NFIB: variants seen among roughly 807,000 people sequenced by gnomAD.
NFIB encodes the protein nuclear factor I B, also known as nuclear factor 1 B-type.
A neutral mutation model predicts 61.5 loss-of-function variants in NFIB; 11 were observed. That is an observed-to-expected ratio of 0.18 (90% confidence interval 0.11 to 0.30). NFIB has a LOEUF of 0.30. Ranked by LOEUF, NFIB falls within the 10% of genes least tolerant of loss-of-function variation. NFIB has a pLI of 1.00. For synonymous variants in NFIB, 260 were observed against 216.5 expected (o/e 1.20, Z -1.76); for missense variants, 471 against 608.9 (o/e 0.77, Z 2.38).
intron 2 of NFIB, among the ~76,000 whole-genome samples, chr9:14,207,991 T>C (rs549530886): frequency 6.6e-6 from 1 of 152,152 alleles, no homozygotes; most frequent in Admixed American, 6.5e-5. Flanking sequence ...CACCATCAGA[T>C]TCACAAGGCC....
chr9:14,195,464 G>T (rs1420479262), intron 2 of NFIB, among the ~76,000 whole-genome samples: 1 of 152,214 alleles, frequency 6.6e-6, no homozygotes. Flanking sequence ...ACGAAACAGA[G>T]AAATAATCTC....
At chr9:14,309,811 T>C (rs972820826) in intron 1 of NFIB, among the ~76,000 whole-genome samples, 1 of 152,218 alleles carries the variant, frequency 6.6e-6, no homozygotes, top group Non-Finnish European at 1.5e-5. Context: ...AATCTTTTAC[T>C]ACGATTTATT....
At chr9:14,494,960 T>C in the NFIB span, among the ~76,000 whole-genome samples, 1 of 152,346 alleles carries the variant, frequency 6.6e-6, no homozygotes, top group African/African-American at 2.4e-5. Flanking sequence ...TTTCAAATTC[T>C]GGCTGTGGCT....
At chr9:14,134,607 G>A (rs1322899092) in intron 6 of NFIB, among the ~76,000 whole-genome samples, 1 of 152,044 alleles carries the variant, frequency 6.6e-6, no homozygotes, top group East Asian at 1.9e-4. Context: ...TTACAAAGTG[G>A]AAGGCTGGAT....
At chr9:14,188,254 T>A (rs1487843903) in intron 2 of NFIB, among the ~76,000 whole-genome samples, 1 of 152,228 alleles carries the variant, frequency 6.6e-6, no homozygotes, top group Admixed American at 6.5e-5. Flanking sequence ...ACTGACTCAA[T>A]CCTTGCTTAG....
At chr9:14,215,232 T>C (rs1037374921) in intron 2 of NFIB, among the ~76,000 whole-genome samples, 1 of 150,750 alleles carries the variant, frequency 6.6e-6, no homozygotes, top group Non-Finnish European at 1.5e-5. Context: ...TCTCATAGAC[T>C]GTCCAGCATA....
At chr9:14,332,130 A>C (rs765550258) in intron 1 of NFIB, among the ~76,000 whole-genome samples, 13 of 151,946 alleles carry the variant, frequency 8.6e-5, no homozygotes, top group Non-Finnish European at 1.5e-4. Context: ...GTCAGGAGTT[A>C]GAGACCAGCC....
At chr9:14,198,892 C>T (rs2048728930) in intron 2 of NFIB, among the ~76,000 whole-genome samples, 2 of 152,202 alleles carry the variant, frequency 1.3e-5, no homozygotes, top group Non-Finnish European at 2.9e-5. Flanking sequence ...CTCTCCCTGC[C>T]ATGTGATGCA....
At chr9:14,492,661 G>A in the NFIB span, among the ~76,000 whole-genome samples, 1 of 152,094 alleles carries the variant, frequency 6.6e-6, no homozygotes, top group East Asian at 1.9e-4. Context: ...AAGGGATGGT[G>A]TTAACCCATT....
In NFIB at chr9:14,198,543, C is replaced by A. The variant is rs188209382; in HGVS notation, c.563-18763G>T. On this transcript the variant is annotated intron_variant, in intron 2 of 10. Coordinates refer to ENST00000380953, the MANE Select transcript of NFIB (RefSeq NM_001190737.2). ...TGCCGTATCATGACAATAAATGCTA[C>A]TTGCCTTATTGTCATTTCACAATCA... is the stretch of plus-strand genomic sequence containing the variant. Among the ~76,000 whole-genome samples the A allele has an allele frequency of 2.9e-4, 44 of 152,284 alleles. No individual in the cohort carries two copies. The East Asian group carries it at 7.2e-3, about 25-fold the overall frequency.
chr9:14,125,540 T>C (rs2039534556), intron 7 of NFIB, 92 bp downstream of exon 7: 4 of 1,513,784 alleles, frequency 2.6e-6, no homozygotes, highest in East Asian at 2.3e-5. Flanking sequence ...ATGGTTGCCA[T>C]AGCTCTATTT....
the NFIB span, among the ~76,000 whole-genome samples, chr9:14,497,893 G>A: frequency 2.6e-4 from 40 of 152,326 alleles, no homozygotes; most frequent in African/African-American, 9.4e-4. Context: ...GAAGCCTCAA[G>A]ATGAAGTAAC....
chr9:14,492,710 C>T, the NFIB span, among the ~76,000 whole-genome samples: 1 of 152,168 alleles, frequency 6.6e-6, no homozygotes, highest in Non-Finnish European at 1.5e-5. Context: ...CACCTCCCAC[C>T]AGGCCCCCCA....
intron 3 of NFIB, among the ~76,000 whole-genome samples, chr9:14,162,954 C>A (rs986521112): frequency 6.6e-6 from 1 of 151,956 alleles, no homozygotes; most frequent in South Asian, 2.1e-4. Context: ...CTCTCTCCAA[C>A]GGTGTTAAAG....
At chr9:14,221,510 G>T (rs992260339) in intron 2 of NFIB, among the ~76,000 whole-genome samples, 3 of 152,130 alleles carry the variant, frequency 2.0e-5, no homozygotes, top group African/African-American at 4.8e-5. Flanking sequence ...TATGTTTCCC[G>T]AAGTCACACA....
the NFIB span, among the ~76,000 whole-genome samples, chr9:14,482,413 T>C: frequency 1.3e-5 from 2 of 152,168 alleles, no homozygotes; most frequent in Admixed American, 6.5e-5. Context: ...TCTGGAGTAC[T>C]GCCAGCTCCC....
chr9:14,483,147 G>A, the NFIB span, among the ~76,000 whole-genome samples: 3 of 152,282 alleles, frequency 2.0e-5, no homozygotes, highest in African/African-American at 7.2e-5. Flanking sequence ...AAACAGAACT[G>A]TATGTTTCTA....
intron 1 of NFIB, among the ~76,000 whole-genome samples, chr9:14,350,746 C>T (rs2132911419): frequency 6.6e-6 from 1 of 152,242 alleles, no homozygotes; most frequent in South Asian, 2.1e-4. Flanking sequence ...AGAGTGGGGG[C>T]TAGGGATTCC....
intron 9 of NFIB, among the ~76,000 whole-genome samples, chr9:14,113,570 T>C (rs1248049977): frequency 6.6e-6 from 1 of 152,246 alleles, no homozygotes; most frequent in Non-Finnish European, 1.5e-5. Flanking sequence ...AATGTCTTTC[T>C]TAAAAGTTTT....
Sources: allele counts gnomAD v4.1 joint callset (sites outside exome capture counted in the v4.1 genomes callset), GRCh38; gene constraint gnomAD v4.1.1; transcripts MANE v1.5; gene names NCBI Gene and HGNC (gene_info 2026-07-23, HGNC 2026-07-21).